ROR2: variants seen among roughly 807,000 people sequenced by gnomAD.
ROR2 encodes the protein tyrosine-protein kinase transmembrane receptor ROR2.
ROR2 carries 33 observed loss-of-function variants against 74.9 expected under a neutral mutation model. The observed-to-expected ratio is 0.44, with a 90% confidence interval of 0.33 to 0.59. The LOEUF is 0.59. ROR2 is among the 20% of genes least tolerant of loss of function. The probability of loss-of-function intolerance (pLI) is 0.02; values close to 1 mark genes in which losing one functional copy is unlikely to be tolerated. For synonymous variants in ROR2, 586 were observed against 558.7 expected (o/e 1.05, Z -0.69); for missense variants, 1,216 against 1,313.8 (o/e 0.93, Z 1.15).
chr9:91,881,469 A>G (rs1830109050), intron 1 of ROR2, among the ~76,000 whole-genome samples: 1 of 152,176 alleles, frequency 6.6e-6, no homozygotes, highest in African/African-American at 2.4e-5. Context: ...TGTATGGTAA[A>G]ATCAGTTTTG....
intron 1 of ROR2, among the ~76,000 whole-genome samples, chr9:91,831,278 A>G (rs1283962519): frequency 6.6e-6 from 1 of 152,006 alleles, no homozygotes; most frequent in Non-Finnish European, 1.5e-5. Context: ...AACAAAAAAA[A>G]AAAATTGTAT....
At chr9:91,829,572 A>AAAAAAAAAAC (rs1828398366) in intron 1 of ROR2, among the ~76,000 whole-genome samples, 2 of 151,218 alleles carry the variant, frequency 1.3e-5, no homozygotes, top group African/African-American at 4.9e-5. Flanking sequence ...AAAAAAAAAA[A>AAAAAAAAAAC]AGCACACATC....
At chr9:91,891,252 C>CTTTTT (rs59835723) in intron 1 of ROR2, among the ~76,000 whole-genome samples, 14 of 136,846 alleles carry the variant, frequency 1.0e-4, no homozygotes, top group Non-Finnish European at 1.3e-4. Flanking sequence ...CTGTTCCTTT[C>CTTTTT]TTTTTTTTTT....
At chr9:91,813,632 A>G (rs979134011) in intron 1 of ROR2, among the ~76,000 whole-genome samples, 8 of 152,296 alleles carry the variant, frequency 5.3e-5, no homozygotes, top group African/African-American at 1.9e-4. Context: ...CAGAAACCCA[A>G]TGGGCCCCGC....
At chr9:91,888,332 A>G (rs1457575870) in intron 1 of ROR2, among the ~76,000 whole-genome samples, 3 of 152,204 alleles carry the variant, frequency 2.0e-5, no homozygotes, top group Non-Finnish European at 1.5e-5. Context: ...AAAGGTACAA[A>G]CAATGGACTA....
intron 1 of ROR2, among the ~76,000 whole-genome samples, chr9:91,897,888 G>A (rs1830575257): frequency 1.3e-5 from 2 of 152,188 alleles, no homozygotes; most frequent in Non-Finnish European, 2.9e-5. Context: ...TCCACCTGAG[G>A]ATGTGTGGTG....
At chr9:91,769,062 C>G (rs758835251) in intron 2 of ROR2, among the ~76,000 whole-genome samples, 1 of 152,078 alleles carries the variant, frequency 6.6e-6, no homozygotes, top group Non-Finnish European at 1.5e-5. Flanking sequence ...GGCTGTGGGC[C>G]GGGCGGAGGC....
intron 1 of ROR2, among the ~76,000 whole-genome samples, chr9:91,884,350 C>A (rs1830210571): frequency 6.6e-6 from 1 of 151,908 alleles, no homozygotes; most frequent in African/African-American, 2.4e-5. Flanking sequence ...TTGGTGGGTA[C>A]CCCTGTGACA....
At chr9:91,825,637 T>C (rs1279374905) in intron 1 of ROR2, among the ~76,000 whole-genome samples, 1 of 152,122 alleles carries the variant, frequency 6.6e-6, no homozygotes, top group African/African-American at 2.4e-5. Context: ...CATCCAATGT[T>C]GTATTTCAAC....
At chr9:91,809,556 G>A (rs1271665836) in intron 1 of ROR2, among the ~76,000 whole-genome samples, 5 of 152,252 alleles carry the variant, frequency 3.3e-5, no homozygotes, top group African/African-American at 9.6e-5. Flanking sequence ...TGGGGGTGCA[G>A]CAGTGCAGCC....
intron 1 of ROR2, among the ~76,000 whole-genome samples, chr9:91,800,159 T>G (rs1827325024): frequency 6.6e-6 from 1 of 152,034 alleles, no homozygotes; most frequent in African/African-American, 2.4e-5. Flanking sequence ...CCGGCCAACA[T>G]GGTGAAACCC....
chr9:91,774,588 T>G (rs1042596863), intron 2 of ROR2, among the ~76,000 whole-genome samples: 2 of 152,128 alleles, frequency 1.3e-5, no homozygotes, highest in Admixed American at 1.3e-4. Context: ...CAACAAGCAG[T>G]GCCAAGGAAA....
Position 91,724,999 on chromosome 9 carries a change from C to G in ROR2, c.1495G>C (p.Glu499Gln), listed in dbSNP as rs201405338. Reference sequence around the variant, plus strand: ...TTGATGGCCACAGCCTGGGTCTGCTCCCCCGGGGCAGGGCCGAACAGGTGA... The same window carrying G: ...TTGATGGCCACAGCCTGGGTCTGCTGCCCCGGGGCAGGGCCGAACAGGTGA... The part of the protein sequence containing the change: ...KGHLFGPAPG[E>Q]QTQAVAIKTL... The change falls in exon 9 of 9, where the codon GAG (glutamate) becomes CAG (glutamine). Residue 499 changes from glutamate (E) to glutamine (Q), a missense_variant. Transcript: ENST00000375708. 33 of 1,613,720 alleles carry G rather than the reference C, an allele frequency of 2.0e-5. No individual in the cohort carries two copies. The highest frequency in any genetic ancestry group is 2.6e-5 in the Non-Finnish European group (31 of 1,180,034).
intron 1 of ROR2, among the ~76,000 whole-genome samples, chr9:91,925,540 C>CCATGCACT (rs1831375556): frequency 6.6e-6 from 1 of 151,526 alleles, no homozygotes. Context: ...GCACATGCAC[C>CCATGCACT]CATTTCTTCT....
At chr9:91,829,388 A>T (rs896550289) in intron 1 of ROR2, among the ~76,000 whole-genome samples, 1 of 151,906 alleles carries the variant, frequency 6.6e-6, no homozygotes, top group African/African-American at 2.4e-5. Context: ...ACTAAAACAC[A>T]CACACACAAA....
At chr9:91,875,335 G>T (rs934132702) in intron 1 of ROR2, among the ~76,000 whole-genome samples, 1 of 152,184 alleles carries the variant, frequency 6.6e-6, no homozygotes, top group Non-Finnish European at 1.5e-5. Flanking sequence ...GTATTTCTCT[G>T]ATTCCACTCA....
At chr9:91,732,854 A>T (rs1184221312) in intron 6 of ROR2, among the ~76,000 whole-genome samples, 5 of 152,184 alleles carry the variant, frequency 3.3e-5, no homozygotes, top group Admixed American at 3.3e-4. Context: ...AAGCAGGTGG[A>T]GGGACTTCAC....
At chr9:91,817,052 C>A (rs1002457573) in intron 1 of ROR2, among the ~76,000 whole-genome samples, 5 of 152,174 alleles carry the variant, frequency 3.3e-5, no homozygotes, top group Non-Finnish European at 5.9e-5. Context: ...TGGGGAGACC[C>A]ATGGGCTGTG....
intron 3 of ROR2, 79 bp from the exon 4 acceptor site, chr9:91,756,180 C>T: frequency 6.9e-7 from 1 of 1,455,604 alleles, no homozygotes; most frequent in South Asian, 1.2e-5. Context: ...AGGCCAGTGG[C>T]AAACAGGCTG....
Sources: allele counts gnomAD v4.1 joint callset (sites outside exome capture counted in the v4.1 genomes callset), GRCh38; gene constraint gnomAD v4.1.1; transcripts MANE v1.5; gene names NCBI Gene and HGNC (gene_info 2026-07-23, HGNC 2026-07-21).